Variants in SPIN1 observed in about 807,000 individuals in gnomAD.
SPIN1 encodes spindlin-1.
In SPIN1, 3 loss-of-function variants were observed where a neutral mutation model predicts 26.0. The observed-to-expected ratio is 0.12, with a 90% confidence interval of 0.05 to 0.30. The LOEUF is 0.30. Among genes scored for constraint, SPIN1 ranks in the 10% least tolerant of loss-of-function variants. The probability of loss-of-function intolerance (pLI) is 1.00; values close to 1 mark genes in which losing one functional copy is unlikely to be tolerated. For synonymous variants in SPIN1, 101 were observed against 116.5 expected, an observed-to-expected ratio of 0.87 and a Z score of 0.86; for missense variants, 126 against 333.4, an observed-to-expected ratio of 0.38 and a Z score of 4.84.
chr9:88,414,670 G>A (rs143209082), intron 1 of SPIN1, among the ~76,000 whole-genome samples: 101 of 152,280 alleles, frequency 6.6e-4, no homozygotes, highest in African/African-American at 2.4e-3. Flanking sequence ...AATGCAATGG[G>A]ATGGAAATAT....
intron 4 of SPIN1, 146 bp downstream of exon 4, chr9:88,462,895 C>A: frequency 1.0e-6 from 1 of 964,616 alleles, no homozygotes; most frequent in Non-Finnish European, 1.5e-6. Flanking sequence ...CACCGAAAAC[C>A]ACAAAAATGG....
chr9:88,402,991 T>C (rs928891104), intron 1 of SPIN1, among the ~76,000 whole-genome samples: 1 of 152,318 alleles, frequency 6.6e-6, no homozygotes, highest in East Asian at 1.9e-4. Flanking sequence ...ATAATAGTTA[T>C]CCTAACTGTG....
Position 88,462,577 on chromosome 9 carries a change from G to A in SPIN1, c.183G>A (p.Gly61=), listed in dbSNP as rs749059161. ...TCGTAGGCTGCAGGATTCAGCATGG[G>A]TGGAAAGAGGGGAATGGCCCTGTTA... ...RNIVGCRIQH[G]WKEGNGPVTQ... The change falls in exon 4 of 6, where the codon GGG becomes GGA. Residue 61 remains glycine, a synonymous_variant. Coordinates refer to ENST00000375859, the MANE Select transcript of SPIN1 (RefSeq NM_006717.3). 3.7e-6 allele frequency: 6 copies of A among 1,614,176 alleles called. No homozygotes were observed. The highest frequency in any genetic ancestry group is 4.2e-6 in the Non-Finnish European group (5 of 1,180,026).
intron 2 of SPIN1, among the ~76,000 whole-genome samples, chr9:88,428,098 T>C (rs1827797672): frequency 6.6e-6 from 1 of 152,230 alleles, no homozygotes. Context: ...CAGGTCTCTG[T>C]CATTTGAAAT....
At chr9:88,441,450 G>A (rs1023888225) in intron 2 of SPIN1, among the ~76,000 whole-genome samples, 1 of 110,146 alleles carries the variant, frequency 9.1e-6, no homozygotes, top group South Asian at 2.7e-4. Flanking sequence ...TACATACATT[G>A]TTGCTCAATT....
At chr9:88,423,024 A>G (rs1372638045) in intron 1 of SPIN1, among the ~76,000 whole-genome samples, 1 of 152,136 alleles carries the variant, frequency 6.6e-6, no homozygotes, top group Non-Finnish European at 1.5e-5. Flanking sequence ...AAGGACTCTT[A>G]TCTGGAGTTT....
chr9:88,447,530 A>G (rs1828275152), intron 2 of SPIN1, among the ~76,000 whole-genome samples: 1 of 152,084 alleles, frequency 6.6e-6, no homozygotes, highest in Non-Finnish European at 1.5e-5. Context: ...CACATTTCCT[A>G]GTTAGGGCCA....
rs113846704 is a variant in SPIN1 at position 88,453,822 on chromosome 9, G to A, written c.101+4833G>A. On this transcript the variant is annotated intron_variant, in intron 3 of 5. Coordinates refer to ENST00000375859, the MANE Select transcript of SPIN1 (RefSeq NM_006717.3). ...ATTACAGGCGGGAGCCACCGCGCCC[G>A]CGGTATCTTAAGCACATCGGAGAAC... is the stretch of plus-strand genomic sequence containing the variant. Among the ~76,000 whole-genome samples, 24 of 152,298 alleles carry A rather than the reference G, an allele frequency of 1.6e-4. 2 individuals carry two copies. Among genetic ancestry groups the A allele is most frequent in the African/African-American group, 5.1e-4 (21 of 41,562 alleles).
intron 1 of SPIN1, among the ~76,000 whole-genome samples, chr9:88,410,076 A>G (rs1827404119): frequency 6.6e-6 from 1 of 152,068 alleles, no homozygotes; most frequent in Non-Finnish European, 1.5e-5. Flanking sequence ...CAAAGTGGTT[A>G]TAAATGTAGG....
At chr9:88,462,012 A>T (rs1355965560) in intron 3 of SPIN1, among the ~76,000 whole-genome samples, 1 of 152,188 alleles carries the variant, frequency 6.6e-6, no homozygotes, top group Non-Finnish European at 1.5e-5. Flanking sequence ...TACAGGCAGA[A>T]TTATTTGGGC....
intron 1 of SPIN1, among the ~76,000 whole-genome samples, chr9:88,408,688 T>C (rs2117946877): frequency 6.7e-6 from 1 of 148,160 alleles, no homozygotes; most frequent in East Asian, 2.0e-4. Flanking sequence ...TTTTTTTTTT[T>C]TTTTGAGACA....
chr9:88,417,789 A>T (rs1417430267), intron 1 of SPIN1, among the ~76,000 whole-genome samples: 1 of 152,130 alleles, frequency 6.6e-6, no homozygotes. Context: ...AGGTTATGTT[A>T]TGTGCTTCTG....
chr9:88,402,233 TC>T (rs912660154), intron 1 of SPIN1, among the ~76,000 whole-genome samples: 36 of 152,176 alleles, frequency 2.4e-4, no homozygotes, highest in African/African-American at 8.4e-4. Flanking sequence ...CCTCAGGTGA[TC>T]CGCCTGCCTC....
intron 3 of SPIN1, chr9:88,457,861 C>T: frequency 4.1e-6 from 4 of 984,666 alleles, no homozygotes; most frequent in Non-Finnish European, 4.8e-6. Context: ...AACCAAAAAA[C>T]CTTTCTTGTT....
intron 1 of SPIN1, chr9:88,391,283 G>T (rs1826915229): frequency 6.6e-6 from 1 of 152,056 alleles, no homozygotes. Flanking sequence ...TGGTATACAG[G>T]CTCTTCTAAC....
intron 1 of SPIN1, among the ~76,000 whole-genome samples, chr9:88,416,312 C>T (rs1275017123): frequency 6.6e-6 from 1 of 151,838 alleles, no homozygotes; most frequent in Non-Finnish European, 1.5e-5. Flanking sequence ...TCCTTTCTTA[C>T]CCTATTTTTG....
chr9:88,469,702 T>C (rs114862222), intron 5 of SPIN1, among the ~76,000 whole-genome samples: 1,747 of 152,216 alleles, frequency 0.011, 18 homozygotes, highest in African/African-American at 0.036. Flanking sequence ...TTTGTTTGTT[T>C]TGTTTTATAT....
intron 2 of SPIN1, among the ~76,000 whole-genome samples, chr9:88,437,632 C>G (rs570636244): frequency 6.6e-6 from 1 of 152,220 alleles, no homozygotes; most frequent in South Asian, 2.1e-4. Flanking sequence ...TATGGTTAAA[C>G]GTATGTTTAC....
At position 88,468,398 on chromosome 9, in the gene SPIN1, T is replaced by C. The variant is rs746489726; in HGVS notation, c.382T>C (p.Leu128=). The change falls in exon 5 of 6, where the codon TTG becomes CTG. Residue 128 remains leucine (L), a synonymous_variant. Transcript: ENST00000375859. ...VATSRISDAH[L]ADTMIGKAVE... The stretch of plus-strand genomic sequence containing the variant: ...GACATCTCGAATCAGCGATGCACAC[T>C]TGGCAGACACAATGATTGGCAAAGC... The C allele has an allele frequency of 1.9e-6, 3 of 1,605,156 alleles. No homozygotes were observed. The East Asian group carries it at 6.7e-5, about 36-fold the overall frequency.
Sources: allele counts gnomAD v4.1 joint callset (sites outside exome capture counted in the v4.1 genomes callset), GRCh38; gene constraint gnomAD v4.1.1; transcripts MANE v1.5; gene names NCBI Gene and HGNC (gene_info 2026-07-23, HGNC 2026-07-21).